The following PARN variants were observed in gnomAD, a reference collection of about 807,000 sequenced individuals.
PARN encodes the protein poly(A)-specific ribonuclease PARN.
In PARN, 71 loss-of-function variants were observed where a neutral mutation model predicts 102.8. The observed-to-expected ratio is 0.69, with a 90% CI of 0.57 to 0.84. The LOEUF (loss-of-function observed/expected upper bound fraction) is 0.84, where lower values mean the gene tolerates loss of function less well. PARN is among the 40% of genes least tolerant of loss of function. PARN has a pLI of 0.00. For synonymous variants in PARN, 261 were observed against 252.9 expected, an observed-to-expected ratio of 1.03 and a Z score of -0.30; for missense variants, 782 against 760.9, an observed-to-expected ratio of 1.03 and a Z score of -0.33.
intron 21 of PARN, among the ~76,000 whole-genome samples, chr16:14,493,581 T>C (rs1964163385): frequency 6.6e-6 from 1 of 152,048 alleles, no homozygotes; most frequent in Non-Finnish European, 1.5e-5. Flanking sequence ...GATTCCCTGA[T>C]CCTAAGAAGC....
At chr16:14,555,112 G>T (rs1967587663) in intron 19 of PARN, among the ~76,000 whole-genome samples, 1 of 152,118 alleles carries the variant, frequency 6.6e-6, no homozygotes, top group Non-Finnish European at 1.5e-5. Context: ...TTGTCACCAA[G>T]TATAGTTCAC....
intron 21 of PARN, among the ~76,000 whole-genome samples, chr16:14,513,216 C>T (rs1291860421): frequency 4.6e-5 from 7 of 152,166 alleles, no homozygotes; most frequent in African/African-American, 1.4e-4. Context: ...TGAGCCACTG[C>T]GCCTGGCCAA....
At chr16:14,484,445 C>T (rs1369007048) in intron 21 of PARN, among the ~76,000 whole-genome samples, 1 of 152,208 alleles carries the variant, frequency 6.6e-6, no homozygotes, top group Non-Finnish European at 1.5e-5. Context: ...CCACGCTGTT[C>T]AGGGCAGTCT....
At chr16:14,442,404 G>T (rs1309429607) in intron 23 of PARN, among the ~76,000 whole-genome samples, 1 of 152,082 alleles carries the variant, frequency 6.6e-6, no homozygotes, top group Non-Finnish European at 1.5e-5. Flanking sequence ...AGAACTGCTT[G>T]GATGGAAAGT....
chr16:14,538,651 G>A (rs979276242), intron 21 of PARN, among the ~76,000 whole-genome samples: 11 of 152,010 alleles, frequency 7.2e-5, no homozygotes, highest in Admixed American at 3.9e-4. Flanking sequence ...CTCTGAAACC[G>A]CATCATAAAG....
intron 22 of PARN, among the ~76,000 whole-genome samples, chr16:14,472,827 C>G (rs1962824201): frequency 6.6e-6 from 1 of 152,144 alleles, no homozygotes; most frequent in Non-Finnish European, 1.5e-5. Context: ...TTCTGGGCAG[C>G]AAAGTTTTAA....
intron 21 of PARN, among the ~76,000 whole-genome samples, chr16:14,502,164 C>A (rs1271017767): frequency 6.6e-6 from 1 of 152,092 alleles, no homozygotes; most frequent in Non-Finnish European, 1.5e-5. Flanking sequence ...CAGTTGGCTT[C>A]AGGGAAAGCA....
chr16:14,435,842 T>C lies in PARN; in HGVS notation c.*875A>G, dbSNP rs575158231. ...CAGCGCCATGAGCGTTTGTCGTTGC[T>C]GTGATCTGTTTCAACGGAGAATGGG... On this transcript the variant is annotated 3_prime_UTR_variant, in exon 24 of 24. Coordinates refer to ENST00000437198, the MANE Select transcript of PARN (RefSeq NM_002582.4). 3 of 152,130 alleles carry C rather than the reference T, an allele frequency of 2.0e-5. No individual in the cohort carries two copies. The highest frequency in any genetic ancestry group is 2.0e-4 in the Admixed American group (3 of 15,250). 9.4% of individuals were successfully genotyped at this position (152,130 alleles called of 1,614,324 possible). A position where few individuals can be genotyped will look rare whatever the true frequency, so the allele number is the denominator to read the frequency against.
intron 21 of PARN, among the ~76,000 whole-genome samples, chr16:14,518,880 C>T (rs909904774): frequency 6.6e-6 from 1 of 152,084 alleles, no homozygotes; most frequent in Admixed American, 6.5e-5. Flanking sequence ...CCAATGTCTC[C>T]AACTGGGGGC....
chr16:14,479,679 G>A (rs1017694252), intron 22 of PARN, among the ~76,000 whole-genome samples: 1 of 152,096 alleles, frequency 6.6e-6, no homozygotes, highest in Admixed American at 6.6e-5. Context: ...TAACTGACTG[G>A]AAGTGAAGAG....
chr16:14,516,570 T>C (rs1965468507), intron 21 of PARN, among the ~76,000 whole-genome samples: 1 of 152,198 alleles, frequency 6.6e-6, no homozygotes, highest in African/African-American at 2.4e-5. Flanking sequence ...ATGGAACATA[T>C]TTAAGATTCT....
At chr16:14,450,919 T>C (rs952367790) in intron 22 of PARN, among the ~76,000 whole-genome samples, 3 of 149,952 alleles carry the variant, frequency 2.0e-5, no homozygotes, top group Admixed American at 2.0e-4. Flanking sequence ...AAAAAAAAAA[T>C]AGCAATCCAT....
chr16:14,480,107 C>T (rs900597830), intron 22 of PARN, among the ~76,000 whole-genome samples: 2 of 151,924 alleles, frequency 1.3e-5, no homozygotes, highest in Non-Finnish European at 1.5e-5. Flanking sequence ...CCGAGGCTGC[C>T]GGATCACTTG....
At chr16:14,560,058 T>C (rs1037015953) in intron 18 of PARN, among the ~76,000 whole-genome samples, 2 of 152,356 alleles carry the variant, frequency 1.3e-5, no homozygotes, top group East Asian at 3.9e-4. Context: ...CATTTCAATA[T>C]AGGCATGCCT....
At chr16:14,467,780 C>T (rs1014348179) in intron 22 of PARN, among the ~76,000 whole-genome samples, 1 of 152,216 alleles carries the variant, frequency 6.6e-6, no homozygotes, top group Non-Finnish European at 1.5e-5. Context: ...TGTCATTCCT[C>T]TCTGCCTTAC....
chr16:14,536,703 A>G (rs974627402), intron 21 of PARN, among the ~76,000 whole-genome samples: 2 of 152,250 alleles, frequency 1.3e-5, no homozygotes, highest in African/African-American at 2.4e-5. Flanking sequence ...ATGTAGTTTT[A>G]AATTTTTCTA....
intron 22 of PARN, among the ~76,000 whole-genome samples, chr16:14,451,195 C>T (rs765633115): frequency 6.6e-6 from 1 of 152,184 alleles, no homozygotes; most frequent in Non-Finnish European, 1.5e-5. Context: ...CCACACTGCC[C>T]ATTTCAATGT....
chr16:14,500,689 T>C (rs189200214), intron 21 of PARN, among the ~76,000 whole-genome samples: 1 of 152,358 alleles, frequency 6.6e-6, no homozygotes, highest in East Asian at 1.9e-4. Flanking sequence ...TTTTAAAGCA[T>C]GTCCAATGAA....
intron 21 of PARN, among the ~76,000 whole-genome samples, chr16:14,505,778 T>G (rs1015655269): frequency 2.0e-5 from 3 of 152,114 alleles, no homozygotes; most frequent in African/African-American, 7.2e-5. Context: ...CTTCTGAAAA[T>G]AATTCTAGTG....
Sources: allele counts gnomAD v4.1 joint callset (sites outside exome capture counted in the v4.1 genomes callset), GRCh38; gene constraint gnomAD v4.1.1; transcripts MANE v1.5; gene names NCBI Gene and HGNC (gene_info 2026-07-23, HGNC 2026-07-21).